Variants in SYNCRIP observed in about 807,000 individuals in gnomAD.
SYNCRIP encodes the protein heterogeneous nuclear ribonucleoprotein Q.
In SYNCRIP, 9 loss-of-function variants were observed where a neutral mutation model predicts 68.9. The ratio of observed to expected loss-of-function variants is 0.13; its 90% CI spans 0.08 to 0.23. The LOEUF is 0.23. Ranked by LOEUF, SYNCRIP falls within the 10% of genes least tolerant of loss-of-function variation. The probability of loss-of-function intolerance (pLI) is 1.00; values close to 1 mark genes in which losing one functional copy is unlikely to be tolerated. For missense variants in SYNCRIP, 414 were observed against 770.6 expected (o/e 0.54, Z 5.48); for synonymous variants, 258 against 254.0 (o/e 1.02, Z -0.15).
At chr6:85,640,605 A>G in intron 2 of SYNCRIP, 41 bp from the exon 3 acceptor site, 2 of 1,345,298 alleles carry the variant, frequency 1.5e-6, no homozygotes, top group South Asian at 1.4e-5. Context: ...TATTTTTAGA[A>G]AAGATTTTTT....
At position 85,614,823 on chromosome 6, in the gene SYNCRIP, C is replaced by G. The variant is rs766018796; in HGVS notation, c.1805G>C (p.Gly602Ala). Residue 602 changes from glycine (G) to alanine (A), a missense_variant, in exon 11 of 11, where the codon GGT becomes GCT. This residue lies in a region of SYNCRIP where 130 missense variants were observed against 149.0 expected (regional missense o/e 0.87). Transcript: ENST00000369622. ...GTTTTCAGATTTGTAACCATAGTTACCAGAATGATCACCACCTTGGAGCGG... is the reference window on the plus strand; with the variant it reads ...GTTTTCAGATTTGTAACCATAGTTAGCAGAATGATCACCACCTTGGAGCGG... ...QQPLQGGDHS[G>A]NYGYKSENQE... The G allele has an allele frequency of 6.2e-7, 1 of 1,613,510 alleles. No homozygotes were observed. The highest frequency in any genetic ancestry group is 1.7e-5 in the Admixed American group (1 of 59,834).
At chr6:85,613,004 A>C (rs1284976481), downstream of SYNCRIP, 7 of 1,485,806 alleles carry the variant, frequency 4.7e-6, no homozygotes, top group East Asian at 1.8e-4. Context: ...AACATTAAAA[A>C]GACAAGCCTT....
At chr6:85,635,538 G>C (rs939134276) in intron 6 of SYNCRIP, among the ~76,000 whole-genome samples, 7 of 152,100 alleles carry the variant, frequency 4.6e-5, no homozygotes, top group African/African-American at 1.7e-4. Flanking sequence ...GCGGGGCTGA[G>C]GCAGGCATAT....
chr6:85,629,739 T>C (rs1490930127), intron 6 of SYNCRIP, among the ~76,000 whole-genome samples: 2 of 150,530 alleles, frequency 1.3e-5, no homozygotes, highest in Admixed American at 6.6e-5. Flanking sequence ...GAAGAATCGC[T>C]TGAACCTGGG....
At chr6:85,612,775 T>G, downstream of SYNCRIP, 1 of 1,192,350 alleles carries the variant, frequency 8.4e-7, no homozygotes. Context: ...GAAGGTCTTC[T>G]GCAATAGAAT....
chr6:85,629,546 G>A (rs922806137), intron 6 of SYNCRIP, among the ~76,000 whole-genome samples: 9 of 143,898 alleles, frequency 6.3e-5, no homozygotes, highest in Admixed American at 1.4e-4. Context: ...AAAAAGGGCC[G>A]GGTGCGGTGG....
chr6:85,641,549 C>T, intron 1 of SYNCRIP, 98 bp from the exon 2 acceptor site: 1 of 1,237,954 alleles, frequency 8.1e-7, no homozygotes, highest in Non-Finnish European at 1.1e-6. Context: ...ATTTACTACA[C>T]CAGCTAGCCT....
intron 1 of SYNCRIP, 72 bp from the exon 2 acceptor site, chr6:85,641,523 C>T: frequency 6.9e-7 from 1 of 1,454,278 alleles, no homozygotes; most frequent in Non-Finnish European, 9.3e-7. Flanking sequence ...AGAGCCCCAT[C>T]TTTACTTTCT....
chr6:85,620,116 C>T (rs910798406), intron 8 of SYNCRIP, among the ~76,000 whole-genome samples: 6 of 152,228 alleles, frequency 3.9e-5, no homozygotes, highest in South Asian at 4.1e-4. Flanking sequence ...TGCGATGGTA[C>T]GCAACTATGG....
At chr6:85,638,187 G>C (rs1283243883) in intron 4 of SYNCRIP, among the ~76,000 whole-genome samples, 2 of 151,968 alleles carry the variant, frequency 1.3e-5, no homozygotes, top group South Asian at 2.1e-4. Context: ...GCCTGGCCAA[G>C]ATGGTGAAAC....
chr6:85,623,579 A>AAAACAAAAAAAAAAAAC (rs1806689867), intron 7 of SYNCRIP, among the ~76,000 whole-genome samples: 3 of 125,874 alleles, frequency 2.4e-5, no homozygotes, highest in Non-Finnish European at 5.3e-5. Flanking sequence ...AAAAAAAAAA[A>AAAACAAAAAAAAAAAAC]AAAACACTCT....
intron 8 of SYNCRIP, among the ~76,000 whole-genome samples, chr6:85,620,699 T>C (rs937841856): frequency 6.6e-6 from 1 of 152,202 alleles, no homozygotes; most frequent in Non-Finnish European, 1.5e-5. Flanking sequence ...ACTATTCCAG[T>C]GCAGGATACT....
intron 6 of SYNCRIP, among the ~76,000 whole-genome samples, chr6:85,635,073 G>T (rs1349122854): frequency 6.6e-6 from 1 of 152,182 alleles, no homozygotes; most frequent in African/African-American, 2.4e-5. Context: ...GCTGAGGCAG[G>T]AGAATTGCCT....
At chr6:85,616,562 G>A (rs1805799775) in intron 10 of SYNCRIP, among the ~76,000 whole-genome samples, 3 of 152,048 alleles carry the variant, frequency 2.0e-5, no homozygotes. Context: ...AACCTCGAAT[G>A]ATCCACCCAC....
chr6:85,628,360 G>T (rs1183858565), intron 6 of SYNCRIP, among the ~76,000 whole-genome samples: 1 of 152,094 alleles, frequency 6.6e-6, no homozygotes, highest in Non-Finnish European at 1.5e-5. Context: ...CTGGCCTAAA[G>T]ATTTCTTAAT....
chr6:85,609,782 A>T (rs1181442304), downstream of SYNCRIP: 6 of 151,976 alleles, frequency 3.9e-5, no homozygotes, highest in Non-Finnish European at 8.8e-5. Flanking sequence ...TCTTTTTAAC[A>T]TCAGAATGCT....
intron 10 of SYNCRIP, among the ~76,000 whole-genome samples, 191 bp from the exon 11 acceptor site, chr6:85,615,538 C>G (rs183248326): frequency 6.6e-6 from 1 of 152,196 alleles, no homozygotes; most frequent in Non-Finnish European, 1.5e-5. Context: ...ACAATATAGG[C>G]ATCCCAAAAT....
At chr6:85,640,637 A>T (rs1226904621) in intron 2 of SYNCRIP, 73 bp from the exon 3 acceptor site, 3 of 882,882 alleles carry the variant, frequency 3.4e-6, no homozygotes, top group Non-Finnish European at 5.2e-6. Context: ...TGTTGGCAAT[A>T]CAGGTACATG....
intron 6 of SYNCRIP, among the ~76,000 whole-genome samples, chr6:85,627,316 C>A (rs1218319884): frequency 6.7e-6 from 1 of 149,566 alleles, no homozygotes; most frequent in Non-Finnish European, 1.5e-5. Context: ...ACAGGTAACA[C>A]AGAGAGTCAA....
Sources: gnomAD v4.1 joint callset for allele counts (sites outside exome capture counted in the v4.1 genomes callset) on GRCh38, gnomAD v4.1.1 for gene constraint, gnomAD v4.1.1 regional missense constraint, MANE v1.5 for transcripts, NCBI Gene and HGNC (gene_info 2026-07-23, HGNC 2026-07-21) for gene names.